The following ZBTB46 variants were observed in gnomAD, a reference collection of about 807,000 sequenced individuals.
ZBTB46 encodes the protein zinc finger and BTB domain-containing protein 46.
In ZBTB46, 8 loss-of-function variants were observed where a neutral mutation model predicts 44.1. The observed-to-expected ratio is 0.18, with a 90% confidence interval of 0.11 to 0.33. The LOEUF (loss-of-function observed/expected upper bound fraction) is 0.33. ZBTB46 is among the 10% of genes least tolerant of loss of function. The pLI is 1.00. For synonymous variants in ZBTB46, 409 were observed against 382.3 expected (o/e 1.07, Z -0.81); for missense variants, 651 against 847.7 (o/e 0.77, Z 2.88).
At chr20:63,797,699 C>G (rs1601493133) in intron 1 of ZBTB46, among the ~76,000 whole-genome samples, 1 of 152,208 alleles carries the variant, frequency 6.6e-6, no homozygotes, top group African/African-American at 2.4e-5. Context: ...ACCATTCTAA[C>G]TGGTGTGAGA....
chr20:63,760,552 G>A (rs1485297843), intron 3 of ZBTB46, among the ~76,000 whole-genome samples: 1 of 150,956 alleles, frequency 6.6e-6, no homozygotes, highest in Non-Finnish European at 1.5e-5. Flanking sequence ...TGCAAGCTCC[G>A]CCTCCTGGGT....
rs555861589 is a variant in ZBTB46, at chr20:63,752,602, C to T, written c.1398+84G>A. On this transcript the variant is annotated intron_variant, in intron 4 of 4. Transcript: ENST00000245663. The surrounding 1 kb of genome is among the most constrained non-coding windows in gnomAD (Gnocchi z 5.6). Reference sequence around the variant, plus strand: ...AGTGGACCCGGTGTGGGGTCCGGGGCGGTCTGCGCCCTCATCAGGACCCGC... The same window carrying T: ...AGTGGACCCGGTGTGGGGTCCGGGGTGGTCTGCGCCCTCATCAGGACCCGC... 574 of 1,401,908 alleles carry T rather than the reference C, an allele frequency of 4.1e-4. No individual in the cohort carries two copies. In the African/African-American group the frequency reaches 7.6e-3, roughly 19 times the overall value. 86.8% of individuals were successfully genotyped at this position (1,401,908 alleles called of 1,614,324 possible).
At position 63,790,774 on chromosome 20, in the gene ZBTB46, C is replaced by A; in HGVS notation, c.-17G>T. 1.3e-6 allele frequency: 2 copies of A among 1,583,918 alleles called. No individual in the cohort carries two copies. The highest frequency in any genetic ancestry group is 1.1e-5 in the South Asian group (1 of 88,250). ...GTTGTTCATTTGGAAGCCCTGGTGT[C>A]GCCTCTTCTACAGACTCTGTGGAGG... On this transcript the variant is annotated 5_prime_UTR_variant, in exon 2 of 5. Transcript: ENST00000245663.
rs548359820 is a variant in ZBTB46 at position 63,829,195 on chromosome 20, T to G, written c.-34+1902A>C. Among the ~76,000 whole-genome samples, 5 of 152,282 alleles carry G rather than the reference T, an allele frequency of 3.3e-5. No homozygotes were observed. In the South Asian group the frequency reaches 1.0e-3, roughly 32 times the overall value. On this transcript the variant is annotated intron_variant, in intron 1 of 4. Coordinates refer to ENST00000245663, the MANE Select transcript of ZBTB46 (RefSeq NM_001369741.1). ...GGGCACTGGGTCAGCCTGGCCCTGG[T>G]GGAACTGACCTGGGGGCCCTTAGGT...
At position 63,747,180 on chromosome 20, in the gene ZBTB46, C is replaced by T. The variant is rs1362717741; in HGVS notation, c.1520G>A (p.Arg507His). The T allele has an allele frequency of 1.5e-5, 24 of 1,608,754 alleles. No homozygotes were observed. Among genetic ancestry groups the T allele is most frequent in the South Asian group, 4.4e-5 (4 of 90,738 alleles). Reference protein sequence around the residue: ...RHGVCTDCAGRGMAGPLDHGG... With the variant: ...RHGVCTDCAGHGMAGPLDHGG... ...ATGGTCCAGGGGCCCGGCCATGCCG[C>T]GGCCAGCACAGTCGGTGCACACACC... Residue 507 changes from arginine to histidine, a missense_variant, in exon 5 of 5, where the codon CGC becomes CAC. Around this residue, in one of 5 missense-constraint regions of ZBTB46, gnomAD observed 75 missense variants for 107.8 expected, o/e 0.70. Transcript: ENST00000245663.
At chr20:63,754,489 T>A (rs796346643) in intron 3 of ZBTB46, among the ~76,000 whole-genome samples, 2 of 152,326 alleles carry the variant, frequency 1.3e-5, no homozygotes, top group African/African-American at 4.8e-5. Context: ...CAAGATGAGG[T>A]CTCGCCATGT....
intron 3 of ZBTB46, among the ~76,000 whole-genome samples, chr20:63,753,825 TTC>T (rs1405530298): frequency 6.6e-6 from 1 of 152,256 alleles, no homozygotes; most frequent in Non-Finnish European, 1.5e-5. Flanking sequence ...CTGAACACGT[TTC>T]TGTGTTTTCA....
rs4809333 is a variant in ZBTB46 at position 63,752,570 on chromosome 20, T to C, written c.1398+116A>G. On this transcript the variant is annotated intron_variant, in intron 4 of 4. Transcript: ENST00000245663. The surrounding 1 kb of genome is among the most constrained non-coding windows in gnomAD (Gnocchi z 5.6). Reference sequence around the variant, plus strand: ...CTCCCTGCCCTGCTGTCGTCCCCCCTGTGCAGAGTGGACCCGGTGTGGGGT... The same window carrying C: ...CTCCCTGCCCTGCTGTCGTCCCCCCCGTGCAGAGTGGACCCGGTGTGGGGT... 0.93 allele frequency: 1,166,108 copies of C among 1,250,360 alleles called. 544,143 individuals are homozygous for C. Among genetic ancestry groups the C allele is most frequent in the East Asian group, 0.99 (34,201 of 34,466 alleles). 77.5% of individuals were successfully genotyped at this position (1,250,360 alleles called of 1,614,324 possible). A position where few individuals can be genotyped will look rare whatever the true frequency, so the allele number is the denominator to read the frequency against.
rs556766690 is a variant in ZBTB46 at position 63,767,996 on chromosome 20, C to T, written c.1222+7682G>A. ...AGAGGTGTCGATCTGGAACCAGAGACAGACAAGTTACAGACCGTCAGGATG... is the reference window on the plus strand; with the variant it reads ...AGAGGTGTCGATCTGGAACCAGAGATAGACAAGTTACAGACCGTCAGGATG... On this transcript the variant is annotated intron_variant, in intron 3 of 4. Coordinates refer to ENST00000245663, the MANE Select transcript of ZBTB46 (RefSeq NM_001369741.1). The surrounding 1 kb of genome is among the most constrained non-coding windows in gnomAD (Gnocchi z 5.0). 515 of 985,448 alleles carry T rather than the reference C, an allele frequency of 5.2e-4. No homozygotes were observed. The highest frequency in any genetic ancestry group is 6.1e-4 in the Non-Finnish European group (506 of 829,936). The allele number at this position is 985,448 out of a possible 1,614,324, so 61.0% of individuals were successfully genotyped here. A position where few individuals can be genotyped will look rare whatever the true frequency, so the allele number is the denominator to read the frequency against.
Position 63,775,669 on chromosome 20 carries a change from T to C in ZBTB46, c.1222+9A>G, listed in dbSNP as rs755873724. ...CCAAAGCCAAGCGGCCCCCAGGGCC[T>C]GCACTTACGGGACAGCGAGTGGGCC... is the stretch of plus-strand genomic sequence containing the variant. On this transcript the variant is annotated intron_variant, in intron 3 of 4. Transcript: ENST00000245663. 3 of 1,551,908 alleles carry C rather than the reference T, an allele frequency of 1.9e-6. No homozygotes were observed. The South Asian group carries it at 3.7e-5, about 19-fold the overall frequency.
At chr20:63,782,302 G>A (rs1441025136) in intron 2 of ZBTB46, among the ~76,000 whole-genome samples, 1 of 151,980 alleles carries the variant, frequency 6.6e-6, no homozygotes, top group Admixed American at 6.6e-5. Flanking sequence ...GGCCCTAAAC[G>A]GACCCACCAG....
chr20:63,801,308 G>A (rs2092642773), intron 1 of ZBTB46, among the ~76,000 whole-genome samples: 1 of 152,178 alleles, frequency 6.6e-6, no homozygotes, highest in South Asian at 2.1e-4. Flanking sequence ...TCAGTGCTCT[G>A]TGTCTAGCTA....
Position 63,789,836 on chromosome 20 carries a change from T to C in ZBTB46, c.922A>G (p.Ser308Gly). The C allele has an allele frequency of 6.2e-7, 1 of 1,610,652 alleles. No individual in the cohort carries two copies. The highest frequency in any genetic ancestry group is 8.5e-7 in the Non-Finnish European group (1 of 1,179,138). ...AAAGGCTTACTTGAGTCTCGGCTGCTGAACGGCCACCCCGACGTCGGCAGG... is the reference window on the plus strand; with the variant it reads ...AAAGGCTTACTTGAGTCTCGGCTGCCGAACGGCCACCCCGACGTCGGCAGG... Reference protein sequence around the residue: ...SFLPTSGWPFSSRDSNADLSV... With the variant: ...SFLPTSGWPFGSRDSNADLSV... Residue 308 changes from serine to glycine, a missense_variant, in exon 2 of 5, where the codon AGC (serine) becomes GGC (glycine). Ser to Gly is a moderately conservative substitution (Grantham distance 56). Around this residue, in one of 5 missense-constraint regions of ZBTB46, gnomAD observed 385 missense variants for 423.3 expected, o/e 0.91. Coordinates refer to ENST00000245663, the MANE Select transcript of ZBTB46 (RefSeq NM_001369741.1).
chr20:63,826,018 C>A (rs974102030), intron 1 of ZBTB46, among the ~76,000 whole-genome samples: 4 of 152,356 alleles, frequency 2.6e-5, no homozygotes, highest in Non-Finnish European at 4.4e-5. Flanking sequence ...TTCCTAAGCC[C>A]TCTGCACGTA....
At chr20:63,764,605 GT>G (rs11479608) in intron 3 of ZBTB46, among the ~76,000 whole-genome samples, 63,022 of 141,652 alleles carry the variant, frequency 0.44, 13,925 homozygotes, top group Middle Eastern at 0.58. Flanking sequence ...TTTTTTCTCT[GT>G]TTTTTTTTTT....
At chr20:63,778,129 TATACC>T (rs11467434) in intron 2 of ZBTB46, among the ~76,000 whole-genome samples, 82,147 of 151,596 alleles carry the variant, frequency 0.54, 22,417 homozygotes, top group South Asian at 0.62. Context: ...ATGCTGTGAA[TATACC>T]ATACCAAAAA....
chr20:63,766,921 G>A (rs1035971655), intron 3 of ZBTB46, among the ~76,000 whole-genome samples: 1 of 152,210 alleles, frequency 6.6e-6, no homozygotes, highest in Non-Finnish European at 1.5e-5. Flanking sequence ...CTGCCAGATG[G>A]TGCTTCTGGG....
At chr20:63,781,693 G>T (rs2092471079) in intron 2 of ZBTB46, among the ~76,000 whole-genome samples, 1 of 152,136 alleles carries the variant, frequency 6.6e-6, no homozygotes, top group African/African-American at 2.4e-5. Context: ...TCGGGAGGCT[G>T]AGGCAGGAGA....
rs570411638 is a variant in ZBTB46, at chr20:63,783,831, T to C, written c.937+5990A>G. On this transcript the variant is annotated intron_variant, in intron 2 of 4. Transcript: ENST00000245663. ...TTCCACCCAAAAAATAAAAAGACCA[T>C]CCCAAGTGCAGGAAATTTTCTTCAA... 3.3e-5 allele frequency among the ~76,000 whole-genome samples: 5 copies of C among 152,162 alleles called. No individual in the cohort carries two copies. In the South Asian group the frequency reaches 1.0e-3, roughly 32 times the overall value.
Sources: allele counts gnomAD v4.1 joint callset (sites outside exome capture counted in the v4.1 genomes callset), GRCh38; gene constraint gnomAD v4.1.1; regional missense constraint gnomAD v4.1.1; non-coding constraint Gnocchi (gnomAD v3.1); transcripts MANE v1.5; gene names NCBI Gene and HGNC (gene_info 2026-07-23, HGNC 2026-07-21).